ST6GALNAC3: variants seen among roughly 807,000 people sequenced by gnomAD.
ST6GALNAC3 encodes the protein ST6 N-acetylgalactosaminide alpha-2,6-sialyltransferase 3, also known as alpha-N-acetylgalactosaminide alpha-2,6-sialyltransferase 3.
In ST6GALNAC3, 25 loss-of-function variants were observed where a neutral mutation model predicts 32.7. The observed-to-expected ratio is 0.76, with a 90% confidence interval of 0.56 to 1.07. The LOEUF is 1.07. Ranked by LOEUF, ST6GALNAC3 falls within the 50% of genes least tolerant of loss-of-function variation. The probability of loss-of-function intolerance (pLI) is 0.00; values close to 1 mark genes in which losing one functional copy is unlikely to be tolerated. For synonymous variants in ST6GALNAC3, 129 were observed against 133.1 expected, an observed-to-expected ratio of 0.97 and a Z score of 0.21; for missense variants, 355 against 382.4, an observed-to-expected ratio of 0.93 and a Z score of 0.60.
intron 3 of ST6GALNAC3, among the ~76,000 whole-genome samples, chr1:76,515,229 T>C (rs1248353229): frequency 6.6e-6 from 1 of 152,162 alleles, no homozygotes; most frequent in Admixed American, 6.6e-5. Flanking sequence ...TTCAGTTTCT[T>C]CATAATTTAA....
At chr1:76,238,287 A>G (rs1030006484) in intron 1 of ST6GALNAC3, among the ~76,000 whole-genome samples, 8 of 152,230 alleles carry the variant, frequency 5.3e-5, no homozygotes, top group African/African-American at 1.9e-4. Flanking sequence ...GTAATAAATA[A>G]TAAATTTCAT....
chr1:76,466,732 A>G (rs1397479101), intron 3 of ST6GALNAC3, among the ~76,000 whole-genome samples: 1 of 151,976 alleles, frequency 6.6e-6, no homozygotes, highest in Non-Finnish European at 1.5e-5. Flanking sequence ...AACAATGGAG[A>G]CTCTTAGTCA....
chr1:76,282,964 G>A (rs759272059), intron 1 of ST6GALNAC3, among the ~76,000 whole-genome samples: 5 of 152,068 alleles, frequency 3.3e-5, no homozygotes, highest in Admixed American at 6.6e-5. Context: ...GCTTGAGCCC[G>A]GGAGGTGGAG....
intron 3 of ST6GALNAC3, among the ~76,000 whole-genome samples, chr1:76,427,514 G>GA (rs1655473295): frequency 6.6e-6 from 1 of 151,892 alleles, no homozygotes; most frequent in South Asian, 2.1e-4. Flanking sequence ...CTCCTCCATG[G>GA]AAAAATAAAA....
chr1:76,398,464 T>C (rs1307012374), intron 2 of ST6GALNAC3, among the ~76,000 whole-genome samples: 3 of 152,188 alleles, frequency 2.0e-5, no homozygotes, highest in Non-Finnish European at 4.4e-5. Flanking sequence ...TTTACCGTGT[T>C]AAGAAAATAT....
At chr1:76,307,725 G>T (rs1661145447) in intron 1 of ST6GALNAC3, among the ~76,000 whole-genome samples, 1 of 152,100 alleles carries the variant, frequency 6.6e-6, no homozygotes, top group Non-Finnish European at 1.5e-5. Flanking sequence ...CAATAGACTG[G>T]ATTAAAAGTT....
intron 3 of ST6GALNAC3, among the ~76,000 whole-genome samples, chr1:76,605,104 C>T (rs983713245): frequency 9.9e-5 from 15 of 152,242 alleles, no homozygotes; most frequent in Admixed American, 8.5e-4. Context: ...AGACTCTATA[C>T]AGGTGATAGA....
chr1:76,412,645 A>G (rs1329420097), intron 3 of ST6GALNAC3, among the ~76,000 whole-genome samples: 4 of 152,044 alleles, frequency 2.6e-5, no homozygotes, highest in African/African-American at 9.7e-5. Flanking sequence ...GAAACACTGG[A>G]TACTTCCCCA....
chr1:76,623,745 A>G (rs1281944964), intron 3 of ST6GALNAC3, among the ~76,000 whole-genome samples: 4 of 151,956 alleles, frequency 2.6e-5, no homozygotes, highest in African/African-American at 4.8e-5. Flanking sequence ...TGTAGTTTTC[A>G]TTGAAACTTA....
chr1:76,341,607 T>C (rs984792355), intron 2 of ST6GALNAC3, among the ~76,000 whole-genome samples: 2 of 56,718 alleles, frequency 3.5e-5, no homozygotes, highest in African/African-American at 1.6e-4. Flanking sequence ...CAAACTGCTT[T>C]TCTTTCTTTC....
intron 3 of ST6GALNAC3, among the ~76,000 whole-genome samples, chr1:76,456,931 C>T (rs1289552921): frequency 6.6e-5 from 10 of 152,172 alleles, no homozygotes; most frequent in Admixed American, 2.0e-4. Flanking sequence ...TTGCAGACAA[C>T]ATGACTGTAT....
chr1:76,264,896 T>C (rs1658441354), intron 1 of ST6GALNAC3, among the ~76,000 whole-genome samples: 1 of 143,330 alleles, frequency 7.0e-6, no homozygotes, highest in Non-Finnish European at 1.5e-5. Context: ...GTAACTCTAG[T>C]GCTCTTTTTT....
chr1:76,176,347 A>G (rs1652851667), intron 1 of ST6GALNAC3, among the ~76,000 whole-genome samples: 1 of 152,224 alleles, frequency 6.6e-6, no homozygotes, highest in Non-Finnish European at 1.5e-5. Context: ...CAGCCTGCTC[A>G]TTGCTGGAAG....
chr1:76,457,927 T>A (rs1657963622), intron 3 of ST6GALNAC3, among the ~76,000 whole-genome samples: 1 of 150,624 alleles, frequency 6.6e-6, no homozygotes, highest in Non-Finnish European at 1.5e-5. Context: ...CAAAAAAAAC[T>A]ACCATCAGAG....
chr1:76,119,169 A>G (rs1648689514), intron 1 of ST6GALNAC3, among the ~76,000 whole-genome samples: 1 of 152,206 alleles, frequency 6.6e-6, no homozygotes, highest in Non-Finnish European at 1.5e-5. Context: ...CTTCACAGGC[A>G]TTACAAGGAC....
At chr1:76,202,435 G>A (rs1654582179) in intron 1 of ST6GALNAC3, among the ~76,000 whole-genome samples, 2 of 152,094 alleles carry the variant, frequency 1.3e-5, no homozygotes, top group Non-Finnish European at 1.5e-5. Flanking sequence ...GAAGCCCTAA[G>A]CTTTGTTTAA....
At chr1:76,161,430 G>A (rs968324535) in intron 1 of ST6GALNAC3, among the ~76,000 whole-genome samples, 5 of 152,198 alleles carry the variant, frequency 3.3e-5, no homozygotes, top group Non-Finnish European at 7.3e-5. Flanking sequence ...GACCCTTGCT[G>A]CTTGCTTCCC....
intron 3 of ST6GALNAC3, among the ~76,000 whole-genome samples, chr1:76,468,904 G>C (rs1476933945): frequency 6.6e-6 from 1 of 152,028 alleles, no homozygotes; most frequent in African/African-American, 2.4e-5. Context: ...GAGGGAAAGA[G>C]AAAAATACTC....
chr1:76,610,605 A>T (rs1043855026), intron 3 of ST6GALNAC3, among the ~76,000 whole-genome samples: 1 of 152,092 alleles, frequency 6.6e-6, no homozygotes, highest in Admixed American at 6.6e-5. Context: ...TCCCAAGAAG[A>T]GGTGAAAGAG....
Sources: allele counts gnomAD v4.1 joint callset (sites outside exome capture counted in the v4.1 genomes callset), GRCh38; gene constraint gnomAD v4.1.1; transcripts MANE v1.5; gene names NCBI Gene and HGNC (gene_info 2026-07-23, HGNC 2026-07-21).